Variants in CACNA1H observed in about 807,000 individuals in gnomAD.
CACNA1H encodes the protein calcium voltage-gated channel subunit alpha1 H, also known as voltage-dependent T-type calcium channel subunit alpha-1H.
A neutral mutation model predicts 192.5 loss-of-function variants in CACNA1H; 149 were observed. The observed-to-expected ratio is 0.77, with a 90% confidence interval of 0.68 to 0.89. The LOEUF is 0.89. Ranked by LOEUF, CACNA1H falls within the 40% of genes least tolerant of loss-of-function variation. The probability of loss-of-function intolerance (pLI) is 0.00; values close to 1 mark genes in which losing one functional copy is unlikely to be tolerated. For missense variants in CACNA1H, 4,257 were observed against 3,423.5 expected, an observed-to-expected ratio of 1.24 and a Z score of -6.08; for synonymous variants, 2,202 against 1,475.2, an observed-to-expected ratio of 1.49 and a Z score of -11.29.
intron 9 of CACNA1H, among the ~76,000 whole-genome samples, chr16:1,202,813 G>A (rs910402942): frequency 2.0e-5 from 3 of 152,166 alleles, no homozygotes; most frequent in African/African-American, 7.2e-5. Flanking sequence ...TTCCCTGGAG[G>A]ACGTGCAGCG....
intron 2 of CACNA1H, among the ~76,000 whole-genome samples, chr16:1,179,323 A>G (rs1461981075): frequency 2.0e-5 from 3 of 152,054 alleles, no homozygotes; most frequent in Non-Finnish European, 4.4e-5. Flanking sequence ...GCTGTGGTGG[A>G]CGGAAACCCT....
chr16:1,220,146 C>A lies in CACNA1H; in HGVS notation c.6214C>A (p.His2072Asn). 2 of 1,511,076 alleles carry A rather than the reference C, an allele frequency of 1.3e-6. No homozygotes were observed. Among genetic ancestry groups the A allele is most frequent in the South Asian group, 1.3e-5 (1 of 74,512 alleles). The allele number at this position is 1,511,076 out of a possible 1,614,324, so 93.6% of individuals were successfully genotyped here. A position where few individuals can be genotyped will look rare whatever the true frequency, so the allele number is the denominator to read the frequency against. Residue 2072 changes from histidine (H) to asparagine (N), a missense_variant, in exon 35 of 35, where the codon CAT becomes AAT. Coordinates refer to ENST00000348261, the MANE Select transcript of CACNA1H (RefSeq NM_021098.3). ...PRPASVRTRK[H>N]TFGQRCVSSR... is the part of the protein sequence containing the mutation. The stretch of plus-strand genomic sequence containing the variant: ...GCCCGCCAGCGTCCGCACTCGTAAG[C>A]ATACCTTCGGACAGCGCTGCGTCTC...
In CACNA1H at chr16:1,217,986, C is replaced by T. The variant is rs760176517; in HGVS notation, c.5391C>T (p.Ala1797=). The stretch of plus-strand genomic sequence containing the variant: ...CCACCTTCAGCAACTTCGGCATGGC[C>T]TTCCTCACGCTGTTCCGCGTGTCCA... ...RHATFSNFGM[A]FLTLFRVSTG... The change falls in exon 32 of 35, where the codon GCC becomes GCT. Residue 1797 remains alanine (A), a synonymous_variant. Coordinates refer to ENST00000348261, the MANE Select transcript of CACNA1H (RefSeq NM_021098.3). The T allele has an allele frequency of 3.1e-6, 5 of 1,604,096 alleles. No homozygotes were observed. The highest frequency in any genetic ancestry group is 2.2e-5 in the South Asian group (2 of 89,324).
intron 17 of CACNA1H, 32 bp from the exon 18 acceptor site, chr16:1,210,003 A>C (rs1281519212): frequency 6.6e-7 from 1 of 1,508,492 alleles, no homozygotes; most frequent in South Asian, 1.2e-5. Flanking sequence ...AGGCAGGCGC[A>C]GGCTCTGAGA....
At chr16:1,212,628 C>T in intron 26 of CACNA1H, 100 bp downstream of exon 26, 1 of 1,416,858 alleles carries the variant, frequency 7.1e-7, no homozygotes, top group Non-Finnish European at 9.7e-7. Flanking sequence ...GCAGGGTGGG[C>T]ACAGGCAGCC....
chr16:1,201,932 T>G lies in CACNA1H; in HGVS notation c.1482T>G (p.Ala494=). 1 of 1,549,528 alleles carries G rather than the reference T, an allele frequency of 6.5e-7. No homozygotes were observed. The highest frequency in any genetic ancestry group is 8.7e-7 in the Non-Finnish European group (1 of 1,146,572). Reference sequence around the variant, plus strand: ...GGCGCAAGAAGGTGGACCCCAGTGCTGTGCAAGGCCAGGGTCCCGGGCACC... The same window carrying G: ...GGCGCAAGAAGGTGGACCCCAGTGCGGTGCAAGGCCAGGGTCCCGGGCACC... The part of the protein sequence containing the change: ...SRWRKKVDPS[A]VQGQGPGHRQ... The change falls in exon 9 of 35, where the codon GCT becomes GCG. Residue 494 remains alanine, a synonymous_variant. Transcript: ENST00000348261.
Position 1,195,543 on chromosome 16 carries a change from G to T in CACNA1H, c.523G>T (p.Asp175Tyr). 6.2e-7 allele frequency: 1 copy of T among 1,605,978 alleles called. No homozygotes were observed. The highest frequency in any genetic ancestry group is 8.5e-7 in the Non-Finnish European group (1 of 1,176,636). Residue 175 changes from aspartate (D) to tyrosine (Y), a missense_variant, in exon 4 of 35, where the codon GAT (aspartate) becomes TAT (tyrosine). By Grantham distance (160) the Asp-to-Tyr change is radical (BLOSUM62 -3). Coordinates refer to ENST00000348261, the MANE Select transcript of CACNA1H (RefSeq NM_021098.3). ...CCTGGGTGACACGTGGAACAGGCTGGATTTCTTCATCGTCGTGGCGGGGTA... is the reference window on the plus strand; with the variant it reads ...CCTGGGTGACACGTGGAACAGGCTGTATTTCTTCATCGTCGTGGCGGGGTA... ...CYLGDTWNRL[D>Y]FFIVVAGMME...
intron 6 of CACNA1H, 123 bp from the exon 7 acceptor site, chr16:1,200,133 C>T (rs1215762494): frequency 2.3e-5 from 18 of 771,650 alleles, no homozygotes; most frequent in Admixed American, 2.9e-5. Context: ...ATGATTAGTC[C>T]ACTGGCCCTG....
At chr16:1,162,694 G>A (rs1182675086) in intron 2 of CACNA1H, among the ~76,000 whole-genome samples, 2 of 151,940 alleles carry the variant, frequency 1.3e-5, no homozygotes, top group Admixed American at 6.5e-5. Context: ...CCTGTGAAGG[G>A]GTCTGGGGGC....
chr16:1,194,359 G>A (rs1392477423), intron 2 of CACNA1H, among the ~76,000 whole-genome samples: 1 of 152,196 alleles, frequency 6.6e-6, no homozygotes, highest in Non-Finnish European at 1.5e-5. Context: ...TGGGTCCACA[G>A]TCAGCTGACG....
rs752373081 is a variant in CACNA1H, at chr16:1,180,685, AG to A, written c.300-14284del. Among the ~76,000 whole-genome samples the A allele has an allele frequency of 3.5e-5, 5 of 144,622 alleles. No homozygotes were observed. Among genetic ancestry groups the A allele is most frequent in the South Asian group, 2.5e-4 (1 of 4,008 alleles). The allele number at this position is 144,622 out of a possible 152,430, so 94.9% of individuals were successfully genotyped here. ...GGGAGGGGCCTGGGCAGGGCGGGGC[AG>A]GGAGGGATGAGGTGCAGACTGGGGA... On this transcript the variant is annotated intron_variant, in intron 2 of 34. Coordinates refer to ENST00000348261, the MANE Select transcript of CACNA1H (RefSeq NM_021098.3). The surrounding 1 kb of genome is among the most constrained non-coding windows in gnomAD (Gnocchi z 4.4).
At chr16:1,155,820 G>A (rs1962286372) in intron 2 of CACNA1H, among the ~76,000 whole-genome samples, 1 of 152,194 alleles carries the variant, frequency 6.6e-6, no homozygotes, top group South Asian at 2.1e-4. Context: ...GTGGCCTCAT[G>A]CAGGTGGGAT....
At chr16:1,213,426 A>G (rs1969688917) in intron 26 of CACNA1H, among the ~76,000 whole-genome samples, 1 of 151,816 alleles carries the variant, frequency 6.6e-6, no homozygotes, top group South Asian at 2.1e-4. Flanking sequence ...GATGTGGGGG[A>G]GCCATCTCAG....
intron 2 of CACNA1H, among the ~76,000 whole-genome samples, chr16:1,182,472 C>T (rs965048589): frequency 7.9e-5 from 12 of 152,142 alleles, no homozygotes; most frequent in African/African-American, 2.9e-4. Flanking sequence ...GCAGCCCAGC[C>T]CCCGTGCCCT....
rs745843344 is a variant in CACNA1H at position 1,217,950 on chromosome 16, G to A, written c.5355G>A (p.Leu1785=). Residue 1785 remains leucine (L), a synonymous_variant, in exon 32 of 35, where the codon CTG becomes CTA. Transcript: ENST00000348261. ...GTGAAGACAACCCCTGCGAGGGCCT[G>A]AGCAGGCACGCCACCTTCAGCAACT... ...ECSEDNPCEG[L]SRHATFSNFG... is the part of the protein sequence containing the mutation. 27 of 1,605,490 alleles carry A rather than the reference G, an allele frequency of 1.7e-5. No individual in the cohort carries two copies. The highest frequency in any genetic ancestry group is 2.3e-5 in the Non-Finnish European group (27 of 1,176,872).
intron 2 of CACNA1H, among the ~76,000 whole-genome samples, chr16:1,179,984 C>G (rs1421061110): frequency 6.6e-6 from 1 of 152,208 alleles, no homozygotes; most frequent in African/African-American, 2.4e-5. Flanking sequence ...ATCCACCTGC[C>G]TCGGCCTCCA....
At chr16:1,194,940 G>C in intron 2 of CACNA1H, 32 bp from the exon 3 acceptor site, 2 of 1,531,152 alleles carry the variant, frequency 1.3e-6, no homozygotes, top group Non-Finnish European at 1.8e-6. Flanking sequence ...GTCCCGGGCC[G>C]CGCCGGTGTG....
chr16:1,186,542 C>G (rs571984975), intron 2 of CACNA1H, among the ~76,000 whole-genome samples: 1 of 152,094 alleles, frequency 6.6e-6, no homozygotes, highest in South Asian at 2.1e-4. Flanking sequence ...TCCGGCGATT[C>G]CCTGGGAACG....
Position 1,213,825 on chromosome 16 carries a change from G to T in CACNA1H, c.4823G>T (p.Arg1608Leu), listed in dbSNP as rs199669141. ...PYYADYSPTR[R>L]SIHSLCTSHY... Reference sequence around the variant, plus strand: ...TATGCCGACTACTCGCCCACGCGCCGCTCCATTCACTCGCTGTGCACCAGC... The same window carrying T: ...TATGCCGACTACTCGCCCACGCGCCTCTCCATTCACTCGCTGTGCACCAGC... The change falls in exon 27 of 35, where the codon CGC becomes CTC. Residue 1608 changes from arginine (R) to leucine (L), a missense_variant. Physicochemically the swap from Arg to Leu is moderately radical, Grantham distance 102 (BLOSUM62 -2). Transcript: ENST00000348261. The T allele has an allele frequency of 1.3e-6, 2 of 1,591,016 alleles. No individual in the cohort carries two copies. The highest frequency in any genetic ancestry group is 1.7e-6 in the Non-Finnish European group (2 of 1,170,144).
Sources: allele counts gnomAD v4.1 joint callset (sites outside exome capture counted in the v4.1 genomes callset), GRCh38; gene constraint gnomAD v4.1.1; non-coding constraint Gnocchi (gnomAD v3.1); transcripts MANE v1.5; gene names NCBI Gene and HGNC (gene_info 2026-07-23, HGNC 2026-07-21).